SULF2: variants seen among roughly 807,000 people sequenced by gnomAD.
SULF2 encodes sulfatase 2.
SULF2 carries 52 observed loss-of-function variants against 107.7 expected under a neutral mutation model. The ratio of observed to expected loss-of-function variants is 0.48; its 90% CI spans 0.39 to 0.61. The LOEUF (loss-of-function observed/expected upper bound fraction) is 0.61. Among genes scored for constraint, SULF2 ranks in the 20% least tolerant of loss-of-function variants. SULF2 has a pLI of 0.00. For synonymous variants in SULF2, 460 were observed against 464.3 expected, an observed-to-expected ratio of 0.99 and a Z score of 0.12; for missense variants, 993 against 1,177.3, an observed-to-expected ratio of 0.84 and a Z score of 2.29.
intron 3 of SULF2, among the ~76,000 whole-genome samples, chr20:47,726,045 G>A (rs1455687538): frequency 1.3e-5 from 2 of 152,176 alleles, no homozygotes; most frequent in Non-Finnish European, 2.9e-5. Context: ...ATAAGGGGAA[G>A]TGAGTGCAGG....
chr20:47,784,114 T>C (rs1206577280), intron 1 of SULF2, among the ~76,000 whole-genome samples: 2 of 152,098 alleles, frequency 1.3e-5, no homozygotes, highest in Non-Finnish European at 2.9e-5. Flanking sequence ...AGCCCGTCTC[T>C]CCTGCTCCCT....
Position 47,657,701 on chromosome 20 carries a change from A to C in SULF2, c.*661T>G, listed in dbSNP as rs1387023263. On this transcript the variant is annotated 3_prime_UTR_variant, in exon 21 of 21. Coordinates refer to ENST00000688720, the MANE Select transcript of SULF2 (RefSeq NM_001387048.1). Reference sequence around the variant, plus strand: ...TACACTGGCCACAGAGCGTTTATTGACACCACCACTCCTGAAAATTGGGAT... The same window carrying C: ...TACACTGGCCACAGAGCGTTTATTGCCACCACCACTCCTGAAAATTGGGAT... 2 of 152,296 alleles carry C rather than the reference A, an allele frequency of 1.3e-5. No homozygotes were observed. Among genetic ancestry groups the C allele is most frequent in the Non-Finnish European group, 2.9e-5 (2 of 68,112 alleles). The allele number at this position is 152,296 out of a possible 1,614,324, so 9.4% of individuals were successfully genotyped here.
At chr20:47,716,016 C>A (rs565031578) in intron 3 of SULF2, among the ~76,000 whole-genome samples, 1 of 152,140 alleles carries the variant, frequency 6.6e-6, no homozygotes, top group South Asian at 2.1e-4. Flanking sequence ...TTGGCCCACA[C>A]GGGACATGAC....
At chr20:47,761,611 C>A (rs1471752089) in intron 1 of SULF2, among the ~76,000 whole-genome samples, 1 of 152,220 alleles carries the variant, frequency 6.6e-6, no homozygotes, top group Non-Finnish European at 1.5e-5. Flanking sequence ...CGTGCCCTCG[C>A]GCTCGCACTC....
intron 2 of SULF2, among the ~76,000 whole-genome samples, chr20:47,746,982 T>TAAAA (rs61191776): frequency 2.5e-3 from 305 of 121,120 alleles, no homozygotes; most frequent in Non-Finnish European, 3.9e-3. Context: ...CTTAAATAAA[T>TAAAA]AAAAAAAAAA....
intron 2 of SULF2, among the ~76,000 whole-genome samples, chr20:47,752,340 A>G (rs757048011): frequency 2.0e-5 from 3 of 152,226 alleles, no homozygotes; most frequent in Non-Finnish European, 4.4e-5. Context: ...ATCTTTCCCA[A>G]GGACACATGG....
chr20:47,677,630 ATTTTCTTCT>A (rs2087694242), intron 8 of SULF2, among the ~76,000 whole-genome samples: 1 of 151,788 alleles, frequency 6.6e-6, no homozygotes, highest in Non-Finnish European at 1.5e-5. Context: ...TTTTGGGAGT[ATTTTCTTCT>A]TTGGTGCTTT....
At chr20:47,672,920 C>G (rs539468123) in intron 10 of SULF2, among the ~76,000 whole-genome samples, 2 of 152,310 alleles carry the variant, frequency 1.3e-5, no homozygotes, top group East Asian at 3.9e-4. Flanking sequence ...TTTTCTCCAG[C>G]CCTTCCTGCT....
chr20:47,776,442 G>A (rs1258240326), intron 1 of SULF2, among the ~76,000 whole-genome samples: 5 of 152,152 alleles, frequency 3.3e-5, no homozygotes, highest in East Asian at 3.8e-4. Flanking sequence ...ACATTCACAG[G>A]AGCGCGCACT....
chr20:47,762,098 TC>T (rs754463540), intron 1 of SULF2, among the ~76,000 whole-genome samples: 3 of 152,256 alleles, frequency 2.0e-5, no homozygotes, highest in Non-Finnish European at 4.4e-5. Context: ...TAAATCTTTT[TC>T]TTTTAAATTA....
chr20:47,705,592 AG>A (rs35058669), intron 3 of SULF2, among the ~76,000 whole-genome samples: 14 of 152,130 alleles, frequency 9.2e-5, no homozygotes, highest in Admixed American at 4.6e-4. Flanking sequence ...TTGGCCAGAA[AG>A]GGGGTAATTT....
At chr20:47,661,992 G>C in intron 17 of SULF2, 96 bp from the exon 18 acceptor site, 1 of 1,293,684 alleles carries the variant, frequency 7.7e-7, no homozygotes, top group South Asian at 2.4e-5. Flanking sequence ...GCAGGTGGCG[G>C]GTGGAAGGTG....
intron 3 of SULF2, among the ~76,000 whole-genome samples, chr20:47,707,120 G>C (rs546121741): frequency 6.6e-6 from 1 of 152,140 alleles, no homozygotes; most frequent in East Asian, 1.9e-4. Context: ...CTCCTGAGTA[G>C]CTGGGATTAC....
intron 3 of SULF2, among the ~76,000 whole-genome samples, chr20:47,702,919 T>C (rs919821288): frequency 6.6e-6 from 1 of 152,228 alleles, no homozygotes; most frequent in Admixed American, 6.5e-5. Flanking sequence ...AGTGTGTCTT[T>C]TATTTTTTAT....
intron 5 of SULF2, among the ~76,000 whole-genome samples, chr20:47,688,470 G>A (rs569992846): frequency 6.5e-4 from 99 of 152,318 alleles, no homozygotes; most frequent in African/African-American, 2.3e-3. Flanking sequence ...GGCACCGCTC[G>A]CTGCTGTTTG....
chr20:47,663,053 G>A lies in SULF2; in HGVS notation c.2370+17C>T, dbSNP rs1470891881. 4.3e-6 allele frequency: 7 copies of A among 1,614,006 alleles called. No individual in the cohort carries two copies. The highest frequency in any genetic ancestry group is 5.9e-6 in the Non-Finnish European group (7 of 1,179,966). On this transcript the variant is annotated intron_variant, in intron 17 of 20. Transcript: ENST00000688720. The stretch of plus-strand genomic sequence containing the variant: ...TGTACCCCACACCCCCATCCCTCTA[G>A]CTCGGGTTGCCTGTACCTGGTAGGG...
rs190556936 is a variant in SULF2 at position 47,708,435 on chromosome 20, T to C, written c.416-5765A>G. ...AGATCCCATAGGGTCCTGGAGACTG[T>C]CATGAGGAGTGGCAGGGTTCGTACC... On this transcript the variant is annotated intron_variant, in intron 3 of 20. Coordinates refer to ENST00000688720, the MANE Select transcript of SULF2 (RefSeq NM_001387048.1). 1.5e-3 allele frequency among the ~76,000 whole-genome samples: 221 copies of C among 152,244 alleles called. 1 individual carries two copies. Among genetic ancestry groups the C allele is most frequent in the Middle Eastern group, 0.014 (4 of 294 alleles).
In SULF2 at chr20:47,661,833, C is replaced by T. The variant is rs1461534857; in HGVS notation, c.2434G>A (p.Glu812Lys). ...TTGTAACCCTTGCAGCTCCTCAGCT[C>T]CATGAGCTGTACGTGTAGCTGGTTG... ...VLNQLHVQLM[E>K]LRSCKGYKQC... Residue 812 changes from glutamate to lysine, a missense_variant, in exon 18 of 21, where the codon GAG (glutamate) becomes AAG (lysine). By Grantham distance (56) the Glu-to-Lys change is moderately conservative. Around this residue, in one of 3 missense-constraint regions of SULF2, gnomAD observed 497 missense variants for 544.1 expected, o/e 0.91. Transcript: ENST00000688720. 2 of 1,595,360 alleles carry T rather than the reference C, an allele frequency of 1.3e-6. No homozygotes were observed. The highest frequency in any genetic ancestry group is 1.7e-6 in the Non-Finnish European group (2 of 1,167,288).
At position 47,707,632 on chromosome 20, in the gene SULF2, C is replaced by A. The variant is rs1290954574; in HGVS notation, c.416-4962G>T. 2.0e-5 allele frequency among the ~76,000 whole-genome samples: 3 copies of A among 152,154 alleles called. No individual in the cohort carries two copies. In the East Asian group the frequency reaches 5.8e-4, roughly 29 times the overall value. ...GTACTCGAGTGAGATATGCGGACCCCCCCAGCACTCAATTCCTCCCCTGTG... is the reference window on the plus strand; with the variant it reads ...GTACTCGAGTGAGATATGCGGACCCACCCAGCACTCAATTCCTCCCCTGTG... On this transcript the variant is annotated intron_variant, in intron 3 of 20. Transcript: ENST00000688720.
Sources: gnomAD v4.1 joint callset for allele counts (sites outside exome capture counted in the v4.1 genomes callset) on GRCh38, gnomAD v4.1.1 for gene constraint, gnomAD v4.1.1 regional missense constraint, MANE v1.5 for transcripts, NCBI Gene and HGNC (gene_info 2026-07-23, HGNC 2026-07-21) for gene names.